Variants in RPA1 observed in about 807,000 individuals in gnomAD.
The protein encoded by RPA1 is replication protein A 70 kDa DNA-binding subunit.
Under a neutral mutation model 83.0 loss-of-function variants are expected in RPA1, and 49 were observed. The observed-to-expected ratio is 0.59, with a 90% CI of 0.47 to 0.75. The LOEUF is 0.75. Among genes scored for constraint, RPA1 ranks in the 30% least tolerant of loss-of-function variants. The pLI is 0.00. For synonymous variants in RPA1, 279 were observed against 281.8 expected (o/e 0.99, Z 0.10); for missense variants, 693 against 776.1 (o/e 0.89, Z 1.27).
Position 1,879,543 on chromosome 17 carries a change from A to T in RPA1, c.953-17A>T. On this transcript the variant is annotated splice_polypyrimidine_tract_variant and intron_variant, in intron 10 of 16. Coordinates refer to ENST00000254719, the MANE Select transcript of RPA1 (RefSeq NM_002945.5). ...GGAGTCTTGACCACCTCCTGCTAAC[A>T]CGTGCATGTGTTTTAGACATCATCG... 1 of 1,614,170 alleles carries T rather than the reference A, an allele frequency of 6.2e-7. No homozygotes were observed. Among genetic ancestry groups the T allele is most frequent in the East Asian group, 2.2e-5 (1 of 44,890 alleles).
chr17:1,831,806 A>G (rs1048465081), intron 1 of RPA1, among the ~76,000 whole-genome samples: 84 of 149,516 alleles, frequency 5.6e-4, no homozygotes, highest in Middle Eastern at 3.5e-3. Context: ...TCACCGTGTT[A>G]GCCAGGATGG....
chr17:1,835,739 G>C (rs1416823006), intron 1 of RPA1, among the ~76,000 whole-genome samples: 4 of 152,066 alleles, frequency 2.6e-5, no homozygotes, highest in South Asian at 2.1e-4. Flanking sequence ...TTTTTGAAAT[G>C]CATGCATAGT....
At chr17:1,834,105 G>C (rs182512289) in intron 1 of RPA1, among the ~76,000 whole-genome samples, 1 of 152,268 alleles carries the variant, frequency 6.6e-6, no homozygotes, top group South Asian at 2.1e-4. Context: ...GCTTGAACCC[G>C]TGAGGCAGAG....
At chr17:1,835,229 A>G (rs1308519362) in intron 1 of RPA1, among the ~76,000 whole-genome samples, 2 of 151,432 alleles carry the variant, frequency 1.3e-5, no homozygotes, top group South Asian at 2.1e-4. Context: ...GCTCACTGCA[A>G]CCTCCAACTC....
chr17:1,831,909 T>A (rs1444822141), intron 1 of RPA1, among the ~76,000 whole-genome samples: 1 of 132,790 alleles, frequency 7.5e-6, no homozygotes, highest in Non-Finnish European at 1.6e-5. Flanking sequence ...TTTTTTTTTT[T>A]TTTTTTTTTT....
At chr17:1,875,617 GTAGAA>G (rs3214399) in intron 6 of RPA1, 39 bp from the exon 7 acceptor site, 276,209 of 1,580,540 alleles carry the variant, frequency 0.17, 27,221 homozygotes, top group East Asian at 0.39. Context: ...AAAAAGCTAA[GTAGAA>G]TAGTAATAAC....
intron 6 of RPA1, among the ~76,000 whole-genome samples, chr17:1,873,716 T>A (rs1201627297): frequency 6.6e-6 from 1 of 152,002 alleles, no homozygotes; most frequent in Non-Finnish European, 1.5e-5. Flanking sequence ...TGGCCAGGCT[T>A]GGTGGCTCAC....
intron 6 of RPA1, among the ~76,000 whole-genome samples, chr17:1,874,032 T>TATATATATATATATATACACAC (rs1171343408): frequency 1.3e-5 from 1 of 79,274 alleles, no homozygotes; most frequent in African/African-American, 6.3e-5. Context: ...TATATATATA[T>TATATATATATATATATACACAC]ACACACACAC....
rs997581162 is a variant in RPA1, at chr17:1,897,311, C to T, written c.*136C>T. 4.5e-6 allele frequency: 3 copies of T among 659,532 alleles called. No individual in the cohort carries two copies. In the East Asian group the frequency reaches 8.3e-5, roughly 18 times the overall value. 40.9% of individuals were successfully genotyped at this position (659,532 alleles called of 1,614,324 possible). The stretch of plus-strand genomic sequence containing the variant: ...TGGTGGACTAAGCAATTTCCCCCCT[C>T]GTGCGCATCTCAGAACCCATCGGTA... On this transcript the variant is annotated 3_prime_UTR_variant, in exon 17 of 17. Transcript: ENST00000254719.
At chr17:1,847,708 T>C (rs1912312572) in intron 4 of RPA1, among the ~76,000 whole-genome samples, 1 of 152,204 alleles carries the variant, frequency 6.6e-6, no homozygotes, top group Admixed American at 6.5e-5. Flanking sequence ...ATACTAATTA[T>C]ACTCATAAAT....
intron 14 of RPA1, among the ~76,000 whole-genome samples, chr17:1,889,538 G>A (rs1045890416): frequency 1.3e-5 from 2 of 151,876 alleles, no homozygotes; most frequent in Admixed American, 6.6e-5. Context: ...ACAGGGTCTC[G>A]CTCTGCTGTT....
intron 6 of RPA1, among the ~76,000 whole-genome samples, chr17:1,874,015 AT>A (rs1913484609): frequency 4.5e-3 from 312 of 69,112 alleles, no homozygotes; most frequent in Middle Eastern, 0.023. Context: ...AAAAAAAAAT[AT>A]ATATATATAT....
chr17:1,848,231 G>A (rs991699658), intron 4 of RPA1, among the ~76,000 whole-genome samples: 7 of 152,136 alleles, frequency 4.6e-5, no homozygotes, highest in Non-Finnish European at 8.8e-5. Flanking sequence ...ATTATGGTAC[G>A]TGAATGATAT....
chr17:1,831,246 C>T (rs778382944), intron 1 of RPA1, among the ~76,000 whole-genome samples: 1 of 152,168 alleles, frequency 6.6e-6, no homozygotes, highest in Non-Finnish European at 1.5e-5. Flanking sequence ...TAAGTCTGGG[C>T]CTCTTGATCC....
intron 16 of RPA1, among the ~76,000 whole-genome samples, chr17:1,895,343 T>A (rs959395034): frequency 2.1e-4 from 31 of 145,124 alleles, no homozygotes; most frequent in Middle Eastern, 3.6e-3. Context: ...TTGTTTATTT[T>A]TTTTATTTTT....
intron 15 of RPA1, among the ~76,000 whole-genome samples, chr17:1,893,553 C>T (rs1403475528): frequency 1.3e-5 from 2 of 152,112 alleles, no homozygotes; most frequent in African/African-American, 4.8e-5. Context: ...TTGGTGTGAA[C>T]TATTAATTAG....
At chr17:1,862,825 C>T (rs1913033618) in intron 5 of RPA1, among the ~76,000 whole-genome samples, 2 of 137,526 alleles carry the variant, frequency 1.5e-5, no homozygotes, top group Admixed American at 1.7e-4. Flanking sequence ...TCAAGTGATT[C>T]TCCTGCCTCA....
chr17:1,873,568 T>C lies in RPA1; in HGVS notation c.454+1042T>C, dbSNP rs546788707. The stretch of plus-strand genomic sequence containing the variant: ...TGTTTCTGTGAAACTCTCAGGACTT[T>C]CCCCCTTGCCCTTTGTTGTTTTTAA... On this transcript the variant is annotated intron_variant, in intron 6 of 16. Coordinates refer to ENST00000254719, the MANE Select transcript of RPA1 (RefSeq NM_002945.5). Among the ~76,000 whole-genome samples the C allele has an allele frequency of 2.0e-4, 31 of 152,144 alleles. 1 individual carries two copies. The highest frequency in any genetic ancestry group is 3.8e-4 in the Non-Finnish European group (26 of 68,018).
At chr17:1,881,986 C>A (rs759724079) in intron 12 of RPA1, among the ~76,000 whole-genome samples, 1 of 152,186 alleles carries the variant, frequency 6.6e-6, no homozygotes, top group African/African-American at 2.4e-5. Flanking sequence ...GATGGATGGG[C>A]CTTGCTGTGC....
Sources: allele counts gnomAD v4.1 joint callset (sites outside exome capture counted in the v4.1 genomes callset), GRCh38; gene constraint gnomAD v4.1.1; transcripts MANE v1.5; gene names NCBI Gene and HGNC (gene_info 2026-07-23, HGNC 2026-07-21).